Variants in CTNNA3 observed in about 807,000 individuals in gnomAD.
CTNNA3 encodes the protein catenin alpha-3.
A neutral mutation model predicts 95.7 loss-of-function variants in CTNNA3; 76 were observed. The observed-to-expected ratio is 0.79, with a 90% CI of 0.66 to 0.96. The LOEUF (loss-of-function observed/expected upper bound fraction) is 0.96, where lower values mean the gene tolerates loss of function less well. Ranked by LOEUF, CTNNA3 falls within the 40% of genes least tolerant of loss-of-function variation. The probability of loss-of-function intolerance (pLI) is 0.00; values close to 1 mark genes in which losing one functional copy is unlikely to be tolerated. For synonymous variants in CTNNA3, 431 were observed against 374.4 expected (o/e 1.15, Z -1.74); for missense variants, 1,191 against 1,089.8 (o/e 1.09, Z -1.31).
chr10:66,201,589 T>C (rs936813721), intron 13 of CTNNA3, among the ~76,000 whole-genome samples: 5 of 152,156 alleles, frequency 3.3e-5, no homozygotes, highest in African/African-American at 9.7e-5. Context: ...GTGATGTTAC[T>C]TCTTTTATCT....
At chr10:66,359,152 GGCAGAGGGGATA>G (rs1208599496) in intron 12 of CTNNA3, among the ~76,000 whole-genome samples, 1 of 152,146 alleles carries the variant, frequency 6.6e-6, no homozygotes, top group Non-Finnish European at 1.5e-5. Flanking sequence ...ACCCTAAAAT[GGCAGAGGGGATA>G]GCATTGCATC....
At chr10:65,969,078 T>C (rs2078041016) in intron 16 of CTNNA3, among the ~76,000 whole-genome samples, 1 of 152,256 alleles carries the variant, frequency 6.6e-6, no homozygotes, top group African/African-American at 2.4e-5. Flanking sequence ...GTATTGGTCA[T>C]ACACACCATC....
intron 13 of CTNNA3, among the ~76,000 whole-genome samples, chr10:66,217,093 C>T (rs34568303): frequency 0.12 from 17,592 of 152,158 alleles, 1,045 homozygotes; most frequent in East Asian, 0.14. Flanking sequence ...CGTTGGCTCA[C>T]GCCTGTAATC....
chr10:66,721,477 T>C (rs1412029808), intron 9 of CTNNA3, among the ~76,000 whole-genome samples: 6 of 152,218 alleles, frequency 3.9e-5, no homozygotes, highest in Admixed American at 6.5e-5. Flanking sequence ...ATCATTTTAC[T>C]AATGGGCATA....
At chr10:66,418,556 G>GACACACAC (rs57694585) in intron 11 of CTNNA3, among the ~76,000 whole-genome samples, 13,408 of 144,480 alleles carry the variant, frequency 0.093, 932 homozygotes, top group East Asian at 0.24. Flanking sequence ...AGCACACAGG[G>GACACACAC]ACACACACAC....
At chr10:67,707,120 C>T (rs1289444401) in intron 1 of CTNNA3, among the ~76,000 whole-genome samples, 1 of 152,168 alleles carries the variant, frequency 6.6e-6, no homozygotes, top group East Asian at 1.9e-4. Context: ...CTCTAGCTCT[C>T]CTACCCTGAC....
At chr10:66,226,191 A>G (rs772088706) in intron 13 of CTNNA3, among the ~76,000 whole-genome samples, 5 of 152,114 alleles carry the variant, frequency 3.3e-5, no homozygotes, top group Non-Finnish European at 7.4e-5. Flanking sequence ...CTTGGGTCTT[A>G]CATTTAAGTT....
intron 5 of CTNNA3, among the ~76,000 whole-genome samples, chr10:67,288,297 G>A (rs1839689130): frequency 6.6e-6 from 1 of 152,122 alleles, no homozygotes; most frequent in African/African-American, 2.4e-5. Flanking sequence ...CCCAACAACA[G>A]AAGCACAGAT....
intron 7 of CTNNA3, among the ~76,000 whole-genome samples, chr10:67,164,656 T>C (rs574621901): frequency 2.6e-5 from 4 of 152,212 alleles, no homozygotes; most frequent in South Asian, 2.1e-4. Flanking sequence ...GTCTCATATA[T>C]AGAATGTATA....
At chr10:66,903,933 C>T (rs1845869995) in intron 7 of CTNNA3, among the ~76,000 whole-genome samples, 1 of 152,090 alleles carries the variant, frequency 6.6e-6, no homozygotes, top group African/African-American at 2.4e-5. Flanking sequence ...GAATTTACAT[C>T]ATGAAAATGG....
At chr10:66,551,897 T>C (rs867472696) in intron 10 of CTNNA3, among the ~76,000 whole-genome samples, 2,133 of 89,530 alleles carry the variant, frequency 0.024, 58 homozygotes, top group African/African-American at 0.081. Flanking sequence ...TTTCTTTTCC[T>C]TTTTTTTTTT....
intron 5 of CTNNA3, among the ~76,000 whole-genome samples, chr10:67,442,753 C>T (rs1256184542): frequency 1.3e-5 from 2 of 151,754 alleles, no homozygotes; most frequent in Admixed American, 1.3e-4. Flanking sequence ...AGGTAGACCT[C>T]AATATAATAA....
intron 13 of CTNNA3, among the ~76,000 whole-genome samples, chr10:66,121,503 TA>T (rs1393942573): frequency 6.6e-6 from 1 of 152,060 alleles, no homozygotes; most frequent in Non-Finnish European, 1.5e-5. Context: ...TATACTAGCT[TA>T]ATAAATCACA....
intron 14 of CTNNA3, among the ~76,000 whole-genome samples, chr10:66,080,474 A>G (rs2080713129): frequency 6.6e-6 from 1 of 152,200 alleles, no homozygotes; most frequent in Non-Finnish European, 1.5e-5. Context: ...AGAATTTTAC[A>G]AAGTAAAATG....
chr10:67,536,922 T>C (rs1054724357), intron 4 of CTNNA3, among the ~76,000 whole-genome samples: 2 of 152,172 alleles, frequency 1.3e-5, no homozygotes, highest in African/African-American at 4.8e-5. Flanking sequence ...ATTTTCATTC[T>C]ACATGAAGTC....
intron 10 of CTNNA3, among the ~76,000 whole-genome samples, chr10:66,545,546 T>C (rs996623194): frequency 6.6e-6 from 1 of 152,078 alleles, no homozygotes; most frequent in Non-Finnish European, 1.5e-5. Context: ...TCAGATTATG[T>C]GTCTGGGAGT....
At chr10:66,542,619 T>A (rs2132080647) in intron 10 of CTNNA3, among the ~76,000 whole-genome samples, 1 of 151,950 alleles carries the variant, frequency 6.6e-6, no homozygotes, top group Non-Finnish European at 1.5e-5. Context: ...ACCATCATTC[T>A]CAGCAAACTA....
rs575723393 is a variant in CTNNA3, at chr10:66,808,843, C to T, written c.1048-33319G>A. On this transcript the variant is annotated intron_variant, in intron 7 of 17. Coordinates refer to ENST00000433211, the MANE Select transcript of CTNNA3 (RefSeq NM_013266.4). ...CCATCAAAATTTGGAATGACTTATT[C>T]GCTTACTGGTCATTTAAAATTATGA... Among the ~76,000 whole-genome samples, 21 of 152,094 alleles carry T rather than the reference C, an allele frequency of 1.4e-4. No homozygotes were observed. The South Asian group carries it at 1.9e-3, about 14-fold the overall frequency.
intron 14 of CTNNA3, among the ~76,000 whole-genome samples, chr10:66,093,149 G>A (rs1379147154): frequency 2.0e-5 from 3 of 151,740 alleles, no homozygotes; most frequent in Non-Finnish European, 4.4e-5. Flanking sequence ...AAGAAGTTTT[G>A]GATACTATAA....
Sources: allele counts gnomAD v4.1 joint callset (sites outside exome capture counted in the v4.1 genomes callset), GRCh38; gene constraint gnomAD v4.1.1; transcripts MANE v1.5; gene names NCBI Gene and HGNC (gene_info 2026-07-23, HGNC 2026-07-21).